The following ASNS variants were observed in gnomAD, a reference collection of about 807,000 sequenced individuals.
The protein encoded by ASNS is asparagine synthetase (glutamine-hydrolyzing), also known as asparagine synthetase [glutamine-hydrolyzing].
A neutral mutation model predicts 62.6 loss-of-function variants in ASNS; 37 were observed. The ratio of observed to expected loss-of-function variants is 0.59; its 90% confidence interval spans 0.45 to 0.78. The LOEUF (loss-of-function observed/expected upper bound fraction) is 0.78. Among genes scored for constraint, ASNS ranks in the 30% least tolerant of loss-of-function variants. The probability of loss-of-function intolerance (pLI) is 0.00; values close to 1 mark genes in which losing one functional copy is unlikely to be tolerated. For synonymous variants in ASNS, 207 were observed against 237.9 expected, an observed-to-expected ratio of 0.87 and a Z score of 1.19; for missense variants, 520 against 682.4, an observed-to-expected ratio of 0.76 and a Z score of 2.65.
At chr7:97,875,294 CACT>C (rs1451877988), upstream of ASNS, among the ~76,000 whole-genome samples, 1 of 152,200 alleles carries the variant, frequency 6.6e-6, no homozygotes, top group African/African-American at 2.4e-5. Flanking sequence ...CCCATGCCAC[CACT>C]GTCTGGCTAA....
chr7:97,919,598 G>A, the ASNS span, among the ~76,000 whole-genome samples: 7 of 152,308 alleles, frequency 4.6e-5, no homozygotes, highest in South Asian at 1.0e-3. Context: ...AACTTAAGCC[G>A]ACAAGCTTTC....
In ASNS at chr7:97,851,961, C is replaced by G. The variant is rs1791200397; in HGVS notation, c.*298G>C. 5.4e-6 allele frequency: 2 copies of G among 372,056 alleles called. No homozygotes were observed. The highest frequency in any genetic ancestry group is 1.0e-5 in the Non-Finnish European group (2 of 199,450). 23.0% of individuals were successfully genotyped at this position (372,056 alleles called of 1,614,324 possible). Reference sequence around the variant, plus strand: ...AAGGAAGCCACACGGGCACAAGATGCAAATGTCATCTAAAGCAGCTCTGCC... The same window carrying G: ...AAGGAAGCCACACGGGCACAAGATGGAAATGTCATCTAAAGCAGCTCTGCC... On this transcript the variant is annotated 3_prime_UTR_variant, in exon 13 of 13. Transcript: ENST00000394308.
At chr7:97,898,089 G>A in the ASNS span, among the ~76,000 whole-genome samples, 1 of 151,880 alleles carries the variant, frequency 6.6e-6, no homozygotes, top group Admixed American at 6.6e-5. Flanking sequence ...CACCAAGCGC[G>A]GATACTTTTT....
the ASNS span, among the ~76,000 whole-genome samples, chr7:97,919,752 G>C: frequency 6.6e-6 from 1 of 152,104 alleles, no homozygotes; most frequent in Non-Finnish European, 1.5e-5. Context: ...AGGAAACCAG[G>C]GCACCCCATG....
chr7:97,853,379 G>A lies in ASNS; in HGVS notation c.1246C>T (p.Leu416=). The A allele has an allele frequency of 6.2e-7, 1 of 1,611,704 alleles. No individual in the cohort carries two copies. The highest frequency in any genetic ancestry group is 8.5e-7 in the Non-Finnish European group (1 of 1,179,418). The part of the protein sequence containing the change: ...DRTTAAHGLE[L]RVPFLDHRFS... Reference sequence around the variant, plus strand: ...CGATGATCTAGAAATGGGACTCTCAGTTCAAGACTTAAAGGAGAAAAGAAG... The same window carrying A: ...CGATGATCTAGAAATGGGACTCTCAATTCAAGACTTAAAGGAGAAAAGAAG... The change falls in exon 11 of 13, where the codon CTG becomes TTG. Residue 416 remains leucine, a synonymous_variant. Coordinates refer to ENST00000394308, the MANE Select transcript of ASNS (RefSeq NM_001673.5).
the ASNS span, among the ~76,000 whole-genome samples, chr7:97,896,424 TA>T: frequency 1.7e-3 from 219 of 125,362 alleles, no homozygotes; most frequent in Non-Finnish European, 2.2e-3. Context: ...CCGTCTCTAC[TA>T]AAAAAAAAAA....
the ASNS span, among the ~76,000 whole-genome samples, chr7:97,900,991 C>T: frequency 1.3e-5 from 2 of 152,212 alleles, no homozygotes; most frequent in Admixed American, 1.3e-4. Context: ...GCTAAGAATA[C>T]AGGCACAGTT....
chr7:97,886,016 G>C, the ASNS span: 2 of 609,606 alleles, frequency 3.3e-6, no homozygotes, highest in East Asian at 7.5e-5. Context: ...CCAATGATGA[G>C]ACCTCCTGCC....
At position 97,868,857 on chromosome 7, in the gene ASNS, A is replaced by G. The variant is rs1322840506; in HGVS notation, c.249+51T>C. 5.6e-6 allele frequency: 9 copies of G among 1,600,750 alleles called. No individual in the cohort carries two copies. The African/African-American group carries it at 9.4e-5, about 17-fold the overall frequency. On this transcript the variant is annotated intron_variant, in intron 3 of 12. Coordinates refer to ENST00000394308, the MANE Select transcript of ASNS (RefSeq NM_001673.5). ...AGAATATGTAACATCATCGTAACCA[A>G]CAAACTCTGAAGTTTAATCGCATCC...
intron 4 of ASNS, 126 bp from the exon 5 acceptor site, chr7:97,859,524 C>G: frequency 9.7e-7 from 1 of 1,031,434 alleles, no homozygotes; most frequent in Non-Finnish European, 1.3e-6. Flanking sequence ...ATTAAATAAG[C>G]AAAATAGGAA....
intron 7 of ASNS, 150 bp from the exon 8 acceptor site, chr7:97,856,966 C>T: frequency 1.3e-6 from 1 of 756,530 alleles, no homozygotes; most frequent in Non-Finnish European, 2.1e-6. Context: ...CAGCCCACCA[C>T]ATACAAGCCC....
chr7:97,853,590 T>G (rs952560055), intron 10 of ASNS, among the ~76,000 whole-genome samples: 1 of 152,194 alleles, frequency 6.6e-6, no homozygotes, highest in Non-Finnish European at 1.5e-5. Context: ...ACATATATCA[T>G]GTCATCTAGG....
chr7:97,907,394 T>C, the ASNS span, among the ~76,000 whole-genome samples: 4 of 152,160 alleles, frequency 2.6e-5, no homozygotes, highest in Admixed American at 6.5e-5. Flanking sequence ...TCATGGAATA[T>C]AGCACATGGC....
At chr7:97,906,647 A>G in the ASNS span, 1 of 161,484 alleles carries the variant, frequency 6.2e-6, no homozygotes, top group African/African-American at 2.4e-5. Flanking sequence ...CCTCTTCTCT[A>G]ATATAACCTT....
chr7:97,896,384 C>G, the ASNS span, among the ~76,000 whole-genome samples: 1 of 149,766 alleles, frequency 6.7e-6, no homozygotes, highest in South Asian at 2.1e-4. Context: ...GTCAGGAGAT[C>G]GAGACCATCC....
At chr7:97,899,744 T>G in the ASNS span, among the ~76,000 whole-genome samples, 1 of 152,236 alleles carries the variant, frequency 6.6e-6, no homozygotes, top group Non-Finnish European at 1.5e-5. Flanking sequence ...GTATGTACTT[T>G]CCTCCTTTTT....
chr7:97,869,244 T>G, intron 2 of ASNS, 65 bp from the exon 3 acceptor site: 1 of 1,535,378 alleles, frequency 6.5e-7, no homozygotes, highest in Non-Finnish European at 8.8e-7. Context: ...CATTAAATCT[T>G]GATTCCGGAA....
the ASNS span, among the ~76,000 whole-genome samples, chr7:97,921,611 A>G: frequency 3.3e-5 from 5 of 152,328 alleles, no homozygotes; most frequent in Admixed American, 2.6e-4. Context: ...AGCAGCCCCC[A>G]GTGTGCAGAC....
chr7:97,907,895 T>A, the ASNS span, among the ~76,000 whole-genome samples: 1 of 152,060 alleles, frequency 6.6e-6, no homozygotes, highest in South Asian at 2.1e-4. Context: ...CAAAAGACAC[T>A]ATCACAAGCT....
Sources: gnomAD v4.1 joint callset for allele counts (sites outside exome capture counted in the v4.1 genomes callset) on GRCh38, gnomAD v4.1.1 for gene constraint, MANE v1.5 for transcripts, NCBI Gene and HGNC (gene_info 2026-07-23, HGNC 2026-07-21) for gene names.